The following KIF13A variants were observed in gnomAD, a reference collection of about 807,000 sequenced individuals.
The protein encoded by KIF13A is kinesin family member 13A, also known as kinesin-like protein KIF13A.
In KIF13A, 79 loss-of-function variants were observed where a neutral mutation model predicts 212.2. The ratio of observed to expected loss-of-function variants is 0.37; its 90% CI spans 0.31 to 0.45. The LOEUF is 0.45. Ranked by LOEUF, KIF13A falls within the 20% of genes least tolerant of loss-of-function variation. KIF13A has a pLI of 1.00. For synonymous variants in KIF13A, 789 were observed against 808.6 expected (o/e 0.98, Z 0.41); for missense variants, 1,901 against 2,209.0 (o/e 0.86, Z 2.79).
chr6:17,978,745 G>A (rs1166121236), intron 2 of KIF13A, among the ~76,000 whole-genome samples: 2 of 152,122 alleles, frequency 1.3e-5, no homozygotes, highest in African/African-American at 2.4e-5. Context: ...ACTTGTTCCT[G>A]TAAATTTTCT....
At chr6:17,819,203 G>C (rs1330346318) in intron 16 of KIF13A, among the ~76,000 whole-genome samples, 3 of 151,988 alleles carry the variant, frequency 2.0e-5, no homozygotes, top group Non-Finnish European at 4.4e-5. Flanking sequence ...GTTTCACCGT[G>C]TTAGCCAGGA....
Position 17,968,106 on chromosome 6 carries a change from G to T in KIF13A, c.146+18948C>A, listed in dbSNP as rs1468591019. Among the ~76,000 whole-genome samples, 1 of 152,040 alleles carries T rather than the reference G, an allele frequency of 6.6e-6. No homozygotes were observed. Among genetic ancestry groups the T allele is most frequent in the Non-Finnish European group, 1.5e-5 (1 of 68,006 alleles). ...TTATTTGACATGTGTGCTGCAGTGG[G>T]GAACAAAAAAATGTTGAAAACTGCC... On this transcript the variant is annotated intron_variant, in intron 2 of 38. Coordinates refer to ENST00000259711, the MANE Select transcript of KIF13A (RefSeq NM_022113.6). This position sits in a 1 kb window ranked among gnomAD's most constrained non-coding sequence, Gnocchi z 4.7.
chr6:17,818,994 A>G (rs1764190477), intron 16 of KIF13A, among the ~76,000 whole-genome samples: 1 of 141,086 alleles, frequency 7.1e-6, no homozygotes, highest in Non-Finnish European at 1.5e-5. Flanking sequence ...CCTAAAATAT[A>G]TCACTTTTTT....
intron 18 of KIF13A, among the ~76,000 whole-genome samples, chr6:17,807,536 A>G (rs941952045): frequency 6.8e-5 from 10 of 147,460 alleles, no homozygotes; most frequent in Non-Finnish European, 3.1e-5. Context: ...TCTGTTATTT[A>G]AGATGTTTAT....
rs921538175 is a variant in KIF13A, at chr6:17,918,276, T to C, written c.147-20096A>G. On this transcript the variant is annotated intron_variant, in intron 2 of 38. Coordinates refer to ENST00000259711, the MANE Select transcript of KIF13A (RefSeq NM_022113.6). This position sits in a 1 kb window ranked among gnomAD's most constrained non-coding sequence, Gnocchi z 4.8. ...CTTGACGTGCAGCAGAGGATAAATGTTTACTGAATAAATACATACATGCAT... is the reference window on the plus strand; with the variant it reads ...CTTGACGTGCAGCAGAGGATAAATGCTTACTGAATAAATACATACATGCAT... Among the ~76,000 whole-genome samples, 1 of 152,094 alleles carries C rather than the reference T, an allele frequency of 6.6e-6. No individual in the cohort carries two copies.
chr6:17,905,148 G>C (rs1002821674), intron 2 of KIF13A, among the ~76,000 whole-genome samples: 6 of 152,194 alleles, frequency 3.9e-5, no homozygotes, highest in African/African-American at 9.6e-5. Flanking sequence ...ATTTTTTTAA[G>C]CTTATTAGCT....
At position 17,855,012 on chromosome 6, in the gene KIF13A, CT is replaced by C. The variant is rs2150405471; in HGVS notation, c.494+424del. Among the ~76,000 whole-genome samples the C allele has an allele frequency of 6.6e-6, 1 of 152,278 alleles. No homozygotes were observed. Among genetic ancestry groups the C allele is most frequent in the South Asian group, 2.1e-4 (1 of 4,830 alleles). On this transcript the variant is annotated intron_variant, in intron 6 of 38. Transcript: ENST00000259711. This position sits in a 1 kb window ranked among gnomAD's most constrained non-coding sequence, Gnocchi z 4.1. Reference sequence around the variant, plus strand: ...TGGGTGGACATCAGGCAAGTGGATGCTTAAAACGTTCCCCACATGATTCCAA... The same window carrying C: ...TGGGTGGACATCAGGCAAGTGGATGCTAAAACGTTCCCCACATGATTCCAA...
Position 17,926,745 on chromosome 6 carries a change from T to C in KIF13A, c.147-28565A>G, listed in dbSNP as rs1255332430. 3.9e-5 allele frequency among the ~76,000 whole-genome samples: 6 copies of C among 152,322 alleles called. No homozygotes were observed. In the South Asian group the frequency reaches 1.0e-3, roughly 26 times the overall value. On this transcript the variant is annotated intron_variant, in intron 2 of 38. Coordinates refer to ENST00000259711, the MANE Select transcript of KIF13A (RefSeq NM_022113.6). The surrounding 1 kb of genome is among the most constrained non-coding windows in gnomAD (Gnocchi z 4.3). ...GAGAATGTTTAAGTATATTAGGATA[T>C]ATTCAGATGATAAACAACTTGTAGC...
At chr6:17,861,792 G>C (rs1311042460) in intron 4 of KIF13A, among the ~76,000 whole-genome samples, 30 of 152,194 alleles carry the variant, frequency 2.0e-4, no homozygotes, top group Admixed American at 2.0e-3. Flanking sequence ...ATTAACCACT[G>C]GTCTATCTTA....
chr6:17,866,706 T>A (rs1769402976), intron 4 of KIF13A, among the ~76,000 whole-genome samples: 1 of 151,468 alleles, frequency 6.6e-6, no homozygotes, highest in South Asian at 2.1e-4. Flanking sequence ...AGTTAAATGA[T>A]GTTTCTGGGT....
rs781603948 is a variant in KIF13A at position 17,771,896 on chromosome 6, T to G, written c.4476+12A>C. 1 of 1,613,680 alleles carries G rather than the reference T, an allele frequency of 6.2e-7. No homozygotes were observed. The highest frequency in any genetic ancestry group is 2.2e-5 in the East Asian group (1 of 44,874). The stretch of plus-strand genomic sequence containing the variant: ...CTCTATTCTGCATAGTACAGACAAG[T>G]CAAGCATTTACCTCCTGGCTTAGAA... On this transcript the variant is annotated intron_variant, in intron 37 of 38. Coordinates refer to ENST00000259711, the MANE Select transcript of KIF13A (RefSeq NM_022113.6). The surrounding 1 kb of genome is among the most constrained non-coding windows in gnomAD (Gnocchi z 5.4).
At chr6:17,941,086 A>C (rs1157047710) in intron 2 of KIF13A, among the ~76,000 whole-genome samples, 1 of 152,180 alleles carries the variant, frequency 6.6e-6, no homozygotes, top group Non-Finnish European at 1.5e-5. Flanking sequence ...GGGCCTCCCA[A>C]AGTGCTGGGA....
intron 4 of KIF13A, among the ~76,000 whole-genome samples, chr6:17,859,640 T>A (rs591827): frequency 0.076 from 5,321 of 70,050 alleles, 218 homozygotes; most frequent in African/African-American, 0.22. Context: ...ATATATATAT[T>A]TTTTTTTTTT....
intron 2 of KIF13A, chr6:17,953,592 T>C (rs987519980): frequency 6.6e-6 from 1 of 152,392 alleles, no homozygotes; most frequent in Non-Finnish European, 1.5e-5. Context: ...GCACTGCTGC[T>C]GCTGGTGTCA....
Position 17,849,680 on chromosome 6 carries a change from G to A in KIF13A, c.718-191C>T, listed in dbSNP as rs1165541829. Reference sequence around the variant, plus strand: ...CATAGTTAACATTTAAATAGGCGTAGAAATGTAGCATTTTGTTTTGCAGCT... The same window carrying A: ...CATAGTTAACATTTAAATAGGCGTAAAAATGTAGCATTTTGTTTTGCAGCT... On this transcript the variant is annotated intron_variant, in intron 8 of 38. Transcript: ENST00000259711. This position sits in a 1 kb window ranked among gnomAD's most constrained non-coding sequence, Gnocchi z 5.7. 6.6e-6 allele frequency among the ~76,000 whole-genome samples: 1 copy of A among 152,188 alleles called. No individual in the cohort carries two copies. The highest frequency in any genetic ancestry group is 2.4e-5 in the African/African-American group (1 of 41,454).
intron 4 of KIF13A, among the ~76,000 whole-genome samples, chr6:17,859,728 C>T (rs1480434222): frequency 2.0e-5 from 3 of 149,266 alleles, no homozygotes; most frequent in East Asian, 2.0e-4. Context: ...CTCCACCTCT[C>T]GTGTTCAAGT....
chr6:17,804,207 G>T (rs991843746), intron 20 of KIF13A, among the ~76,000 whole-genome samples, 154 bp downstream of exon 20: 1 of 151,866 alleles, frequency 6.6e-6, no homozygotes, highest in Non-Finnish European at 1.5e-5. Context: ...TTCTAATATC[G>T]ATTATTAGTA....
chr6:17,857,505 G>A (rs1416658547), intron 4 of KIF13A, among the ~76,000 whole-genome samples: 3 of 151,998 alleles, frequency 2.0e-5, no homozygotes, highest in East Asian at 1.9e-4. Flanking sequence ...TAAGTTTCCC[G>A]AGGCCTCCCC....
chr6:17,785,479 C>G lies in KIF13A; in HGVS notation c.3488+36G>C. On this transcript the variant is annotated intron_variant, in intron 28 of 38. Transcript: ENST00000259711. The surrounding 1 kb of genome is among the most constrained non-coding windows in gnomAD (Gnocchi z 5.8). ...TCTTGCCACAGGCGACCTGTACCATCTCCCCAGGTCTGCACAGAAGGGAGG... is the reference window on the plus strand; with the variant it reads ...TCTTGCCACAGGCGACCTGTACCATGTCCCCAGGTCTGCACAGAAGGGAGG... 6.8e-7 allele frequency: 1 copy of G among 1,476,024 alleles called. No individual in the cohort carries two copies. The allele number at this position is 1,476,024 out of a possible 1,614,324, so 91.4% of individuals were successfully genotyped here.
Sources: allele counts gnomAD v4.1 joint callset (sites outside exome capture counted in the v4.1 genomes callset), GRCh38; gene constraint gnomAD v4.1.1; non-coding constraint Gnocchi (gnomAD v3.1); transcripts MANE v1.5; gene names NCBI Gene and HGNC (gene_info 2026-07-23, HGNC 2026-07-21).